The following HMGCLL1 variants were observed in gnomAD, a reference collection of about 807,000 sequenced individuals.
The protein encoded by HMGCLL1 is 3-hydroxy-3-methylglutaryl-CoA lyase like 1.
Under a neutral mutation model 39.1 loss-of-function variants are expected in HMGCLL1, and 36 were observed. The observed-to-expected ratio is 0.92, with a 90% CI of 0.71 to 1.22. The LOEUF (loss-of-function observed/expected upper bound fraction) is 1.22. Ranked by LOEUF, HMGCLL1 falls within the 50% of genes most tolerant of loss-of-function variation. The pLI, the probability that HMGCLL1 is intolerant of heterozygous loss-of-function variation, is 0.00. For missense variants in HMGCLL1, 451 were observed against 416.5 expected, an observed-to-expected ratio of 1.08 and a Z score of -0.72; for synonymous variants, 149 against 144.0, an observed-to-expected ratio of 1.03 and a Z score of -0.25.
intron 5 of HMGCLL1, among the ~76,000 whole-genome samples, chr6:55,506,828 T>A (rs1767192139): frequency 8.5e-6 from 1 of 117,394 alleles, no homozygotes; most frequent in Non-Finnish European, 1.8e-5. Context: ...GGGGAAAGTT[T>A]TCAACTTAAA....
chr6:55,635,419 C>T, the HMGCLL1 span, among the ~76,000 whole-genome samples: 1 of 151,458 alleles, frequency 6.6e-6, no homozygotes, highest in Non-Finnish European at 1.5e-5. Flanking sequence ...AGGGCCAAGC[C>T]AAGAATTCTA....
chr6:55,576,398 G>A (rs1181891397), intron 1 of HMGCLL1, among the ~76,000 whole-genome samples: 1 of 152,196 alleles, frequency 6.6e-6, no homozygotes, highest in Non-Finnish European at 1.5e-5. Flanking sequence ...AATAGCTTAA[G>A]ATGATGTTGC....
At chr6:55,671,122 C>T in the HMGCLL1 span, among the ~76,000 whole-genome samples, 13 of 151,728 alleles carry the variant, frequency 8.6e-5, no homozygotes, top group African/African-American at 3.1e-4. Flanking sequence ...GATCCTTGAC[C>T]TTTTGCCTTT....
intron 1 of HMGCLL1, among the ~76,000 whole-genome samples, chr6:55,570,820 TG>T (rs1319608217): frequency 1.3e-5 from 2 of 152,208 alleles, no homozygotes; most frequent in African/African-American, 4.8e-5. Context: ...AAGGCATACC[TG>T]AGACTAGCTA....
At chr6:55,450,639 G>C (rs894612815) in intron 7 of HMGCLL1, among the ~76,000 whole-genome samples, 31 of 152,236 alleles carry the variant, frequency 2.0e-4, no homozygotes, top group African/African-American at 7.2e-4. Flanking sequence ...GAAGTTGAGG[G>C]GGGTATGTGA....
Position 55,511,903 on chromosome 6 carries a change from G to A in HMGCLL1, c.542+2145C>T, listed in dbSNP as rs139425569. On this transcript the variant is annotated intron_variant, in intron 5 of 8. Transcript: ENST00000274901. ...ACTCCAAAGGAACAAAATCCACACTGGAAAACATACATTTGTCTATAATTC... is the reference window on the plus strand; with the variant it reads ...ACTCCAAAGGAACAAAATCCACACTAGAAAACATACATTTGTCTATAATTC... 9.9e-5 allele frequency among the ~76,000 whole-genome samples: 15 copies of A among 152,120 alleles called. No individual in the cohort carries two copies. The East Asian group carries it at 2.9e-3, about 29-fold the overall frequency.
At chr6:55,605,670 C>T in the HMGCLL1 span, among the ~76,000 whole-genome samples, 1 of 152,054 alleles carries the variant, frequency 6.6e-6, no homozygotes, top group East Asian at 1.9e-4. Flanking sequence ...ATTATGTATT[C>T]CTACCAGGTC....
chr6:55,597,424 C>G, the HMGCLL1 span, among the ~76,000 whole-genome samples: 1 of 151,158 alleles, frequency 6.6e-6, no homozygotes, highest in Non-Finnish European at 1.5e-5. Flanking sequence ...CAAGACAGTT[C>G]TAAGAATTAA....
the HMGCLL1 span, among the ~76,000 whole-genome samples, chr6:55,642,270 G>T: frequency 1.3e-5 from 2 of 150,488 alleles, no homozygotes; most frequent in Non-Finnish European, 3.0e-5. Flanking sequence ...AGTATTCCAT[G>T]GTGTATATGT....
At chr6:55,445,287 G>A (rs575994855) in intron 7 of HMGCLL1, among the ~76,000 whole-genome samples, 1 of 151,812 alleles carries the variant, frequency 6.6e-6, no homozygotes, top group East Asian at 1.9e-4. Context: ...TTCTAAACGA[G>A]CTGCTTTGGA....
intron 1 of HMGCLL1, among the ~76,000 whole-genome samples, chr6:55,575,916 TAAG>T (rs947545311): frequency 1.1e-4 from 16 of 152,180 alleles, no homozygotes; most frequent in African/African-American, 2.9e-4. Context: ...GAACAAATGC[TAAG>T]AAGAAGTCCA....
the HMGCLL1 span, among the ~76,000 whole-genome samples, chr6:55,638,727 T>C: frequency 6.6e-6 from 1 of 152,142 alleles, no homozygotes. Flanking sequence ...ACAGGAGATA[T>C]GCCAAGTGAA....
At chr6:55,460,134 T>C (rs963494860) in intron 7 of HMGCLL1, among the ~76,000 whole-genome samples, 13 of 152,090 alleles carry the variant, frequency 8.5e-5, no homozygotes, top group African/African-American at 3.1e-4. Flanking sequence ...AACCATCTAA[T>C]GAATGCATGC....
chr6:55,440,291 A>G (rs1490837489), intron 7 of HMGCLL1, among the ~76,000 whole-genome samples: 1 of 152,156 alleles, frequency 6.6e-6, no homozygotes, highest in Non-Finnish European at 1.5e-5. Flanking sequence ...CAGTTCTCAG[A>G]AAGAAAACTC....
chr6:55,481,982 T>A (rs1000047578), intron 7 of HMGCLL1, among the ~76,000 whole-genome samples: 1 of 152,050 alleles, frequency 6.6e-6, no homozygotes, highest in African/African-American at 2.4e-5. Flanking sequence ...GTTTCTTCCA[T>A]TTTTTCCCAG....
chr6:55,589,295 G>A, the HMGCLL1 span, among the ~76,000 whole-genome samples: 13 of 152,178 alleles, frequency 8.5e-5, 1 homozygote, highest in South Asian at 2.1e-3. Flanking sequence ...CAGAACCAAA[G>A]ACAAAAACCA....
the HMGCLL1 span, among the ~76,000 whole-genome samples, chr6:55,651,791 G>A: frequency 6.6e-6 from 1 of 152,094 alleles, no homozygotes; most frequent in African/African-American, 2.4e-5. Context: ...ATGCCCTTCT[G>A]ACTAGGGCTG....
chr6:55,515,253 GAAA>G (rs34439584), intron 4 of HMGCLL1, among the ~76,000 whole-genome samples: 7 of 134,726 alleles, frequency 5.2e-5, no homozygotes, highest in African/African-American at 1.1e-4. Context: ...CTCCATCTCA[GAAA>G]AAAAAAAAAA....
chr6:55,605,684 C>A, the HMGCLL1 span, among the ~76,000 whole-genome samples: 2 of 152,074 alleles, frequency 1.3e-5, no homozygotes, highest in Non-Finnish European at 2.9e-5. Context: ...CCAGGTCTAA[C>A]AGCAAATATT....
Sources: allele counts gnomAD v4.1 joint callset (sites outside exome capture counted in the v4.1 genomes callset), GRCh38; gene constraint gnomAD v4.1.1; transcripts MANE v1.5; gene names NCBI Gene and HGNC (gene_info 2026-07-23, HGNC 2026-07-21).